Variants in PEX7 observed in about 807,000 individuals in gnomAD.
PEX7 encodes PTS2 receptor.
Under a neutral mutation model 47.5 loss-of-function variants are expected in PEX7, and 34 were observed. The observed-to-expected ratio is 0.72, with a 90% CI of 0.54 to 0.95. The LOEUF (loss-of-function observed/expected upper bound fraction) is 0.95, where lower values mean the gene tolerates loss of function less well. PEX7 is among the 40% of genes least tolerant of loss of function. The probability of loss-of-function intolerance (pLI) is 0.00; values close to 1 mark genes in which losing one functional copy is unlikely to be tolerated. For missense variants in PEX7, 394 were observed against 400.3 expected (o/e 0.98, Z 0.13); for synonymous variants, 141 against 148.8 (o/e 0.95, Z 0.38).
chr6:136,836,684 G>A (rs1477949283), intron 3 of PEX7, among the ~76,000 whole-genome samples: 1 of 152,184 alleles, frequency 6.6e-6, no homozygotes, highest in African/African-American at 2.4e-5. Flanking sequence ...TGGGCATAGT[G>A]GTTCACGCCT....
intron 3 of PEX7, among the ~76,000 whole-genome samples, chr6:136,836,120 T>C (rs1014124828): frequency 3.3e-5 from 5 of 152,230 alleles, no homozygotes; most frequent in African/African-American, 4.8e-5. Flanking sequence ...AGGAGAATTA[T>C]GCAATCTTAT....
At chr6:136,902,663 C>G (rs1028526390) in intron 9 of PEX7, among the ~76,000 whole-genome samples, 1 of 151,760 alleles carries the variant, frequency 6.6e-6, no homozygotes, top group Non-Finnish European at 1.5e-5. Flanking sequence ...ATTAGATACT[C>G]TTTTTCTTTT....
Position 136,822,759 on chromosome 6 carries a change from C to T in PEX7, c.94C>T (p.Leu32=), listed in dbSNP as rs886061118. Reference sequence around the variant, plus strand: ...GTTCTCCCCGTACCTGCCGGGCCGCCTGGCCTGCGCCACCGCGCAGCACTA... The same window carrying T: ...GTTCTCCCCGTACCTGCCGGGCCGCTTGGCCTGCGCCACCGCGCAGCACTA... ...AEFSPYLPGR[L]ACATAQHYGI... Residue 32 remains leucine, a synonymous_variant, in exon 1 of 10, where the codon CTG becomes TTG. Transcript: ENST00000318471. 197 of 1,474,822 alleles carry T rather than the reference C, an allele frequency of 1.3e-4. 1 individual carries two copies. In the East Asian group the frequency reaches 5.3e-3, roughly 39 times the overall value. 91.4% of individuals were successfully genotyped at this position (1,474,822 alleles called of 1,614,324 possible). A position where few individuals can be genotyped will look rare whatever the true frequency, so the allele number is the denominator to read the frequency against.
chr6:136,856,760 G>A (rs1027146576), intron 5 of PEX7, among the ~76,000 whole-genome samples: 1 of 152,172 alleles, frequency 6.6e-6, no homozygotes, highest in Non-Finnish European at 1.5e-5. Flanking sequence ...TTAGGTGAAT[G>A]TAGGTGGATG....
At chr6:136,889,986 A>G (rs188412478) in intron 8 of PEX7, among the ~76,000 whole-genome samples, 9 of 152,304 alleles carry the variant, frequency 5.9e-5, no homozygotes, top group Non-Finnish European at 8.8e-5. Context: ...TAGTAAGCCT[A>G]TTTACTTAGA....
chr6:136,903,809 G>C (rs1243938440), intron 9 of PEX7, among the ~76,000 whole-genome samples: 2 of 150,608 alleles, frequency 1.3e-5, no homozygotes, highest in Non-Finnish European at 3.0e-5. Flanking sequence ...CTACTGAATA[G>C]CTGGGACTAC....
chr6:136,849,895 T>C (rs949997366), intron 5 of PEX7, among the ~76,000 whole-genome samples: 11 of 152,158 alleles, frequency 7.2e-5, no homozygotes, highest in African/African-American at 2.7e-4. Context: ...TGAGTTTAAT[T>C]CCTGGATATC....
At position 136,878,383 on chromosome 6, in the gene PEX7, G is replaced by C. The variant is rs569950156; in HGVS notation, c.803+6130G>C. On this transcript the variant is annotated intron_variant, in intron 8 of 9. Transcript: ENST00000318471. ...AGAGAGGGCATCCTTGTCTTGTGCC[G>C]GTTTTCAAAGGGAATGGTTCCAGCT... is the stretch of plus-strand genomic sequence containing the variant. Among the ~76,000 whole-genome samples the C allele has an allele frequency of 1.2e-3, 181 of 152,212 alleles. 2 individuals carry two copies. The highest frequency in any genetic ancestry group is 3.4e-3 in the Middle Eastern group (1 of 294).
At chr6:136,878,593 G>A (rs541240593) in intron 8 of PEX7, among the ~76,000 whole-genome samples, 12 of 152,068 alleles carry the variant, frequency 7.9e-5, no homozygotes, top group African/African-American at 2.7e-4. Flanking sequence ...TATGTGATGG[G>A]TTATGTTTAT....
chr6:136,867,067 C>T (rs745422103), intron 6 of PEX7, among the ~76,000 whole-genome samples: 2 of 152,138 alleles, frequency 1.3e-5, no homozygotes, highest in African/African-American at 4.8e-5. Context: ...ATTTCTTTCT[C>T]ACTTTGCTAG....
intron 1 of PEX7, 28 bp downstream of exon 1, chr6:136,822,823 G>GGGGGGCGGAGGCGGAGGCGGGGGCCA: frequency 8.2e-7 from 1 of 1,220,152 alleles, no homozygotes; most frequent in East Asian, 3.4e-5. Context: ...AGCTGGGGCC[G>GGGGGGCGGAGGCGGAGGCGGGGGCCA]GGGGGCGGAG....
chr6:136,850,969 CTTTTTTTTTTAT>C (rs1208229468), intron 5 of PEX7, among the ~76,000 whole-genome samples: 3 of 72,428 alleles, frequency 4.1e-5, no homozygotes, highest in African/African-American at 1.0e-4. Context: ...TTTCTGCTGT[CTTTTTTTTTTAT>C]TTTTTTTTTA....
chr6:136,910,961 C>T (rs1176348427), intron 9 of PEX7, among the ~76,000 whole-genome samples: 1 of 152,078 alleles, frequency 6.6e-6, no homozygotes, highest in Non-Finnish European at 1.5e-5. Context: ...TCTCACACAT[C>T]GTTTAGTTAT....
At chr6:136,899,080 C>CTTTTTTTTTTT (rs71547049) in intron 9 of PEX7, among the ~76,000 whole-genome samples, 2 of 111,976 alleles carry the variant, frequency 1.8e-5, no homozygotes, top group Non-Finnish European at 1.8e-5. Context: ...TTTTTCTTTT[C>CTTTTTTTTTTT]TTTTTTTTTT....
chr6:136,912,510 A>C (rs1775949253), intron 9 of PEX7, among the ~76,000 whole-genome samples: 1 of 151,964 alleles, frequency 6.6e-6, no homozygotes, highest in Non-Finnish European at 1.5e-5. Flanking sequence ...TTGTTTTGGT[A>C]CCTTTGTTGA....
chr6:136,895,001 A>G (rs1196518594), intron 8 of PEX7, among the ~76,000 whole-genome samples: 2 of 152,216 alleles, frequency 1.3e-5, no homozygotes, highest in Admixed American at 6.5e-5. Context: ...GCCCTTGGAT[A>G]TATAGCACTT....
intron 5 of PEX7, among the ~76,000 whole-genome samples, chr6:136,854,413 C>T (rs1234183537): frequency 6.6e-6 from 1 of 152,152 alleles, no homozygotes; most frequent in Admixed American, 6.5e-5. Context: ...TCTCGAACTC[C>T]TGACCTCAGG....
chr6:136,842,957 A>T (rs970093990), intron 3 of PEX7, among the ~76,000 whole-genome samples: 5 of 152,198 alleles, frequency 3.3e-5, no homozygotes, highest in African/African-American at 1.2e-4. Flanking sequence ...GTGTATAGGT[A>T]ATTCATGAAA....
rs773001845 is a variant in PEX7 at position 136,908,437 on chromosome 6, A to AT, written c.904-5012dup. ...AAGAAATATAACATTTTGACAAACC[A>AT]TTTTTTTTTCTGTAATGTCAGTAAT... On this transcript the variant is annotated intron_variant, in intron 9 of 9. Coordinates refer to ENST00000318471, the MANE Select transcript of PEX7 (RefSeq NM_000288.4). 2.3e-4 allele frequency among the ~76,000 whole-genome samples: 35 copies of AT among 151,108 alleles called. 1 individual carries two copies. Among genetic ancestry groups the AT allele is most frequent in the Admixed American group, 9.9e-4 (15 of 15,126 alleles).
Sources: allele counts gnomAD v4.1 joint callset (sites outside exome capture counted in the v4.1 genomes callset), GRCh38; gene constraint gnomAD v4.1.1; transcripts MANE v1.5; gene names NCBI Gene and HGNC (gene_info 2026-07-23, HGNC 2026-07-21).